The following LEMD1 variants were observed in gnomAD, a reference collection of about 807,000 sequenced individuals.
LEMD1 encodes the protein LEM domain containing 1, also known as LEM domain-containing protein 1.
Under a neutral mutation model 17.4 loss-of-function variants are expected in LEMD1, and 18 were observed. The observed-to-expected ratio is 1.04, with a 90% CI of 0.72 to 1.54. LEMD1 has a LOEUF of 1.54. LEMD1 is among the 40% of genes most tolerant of loss of function. The pLI, the probability that LEMD1 is intolerant of heterozygous loss-of-function variation, is 0.00. For missense variants in LEMD1, 195 were observed against 210.4 expected (o/e 0.93, Z 0.45); for synonymous variants, 88 against 77.8 (o/e 1.13, Z -0.69).
At chr1:205,383,639 C>CT (rs1170166649) in intron 5 of LEMD1, among the ~76,000 whole-genome samples, 2,434 of 118,388 alleles carry the variant, frequency 0.021, 62 homozygotes, top group African/African-American at 0.063. Context: ...TTTCTTTTTT[C>CT]TTTTTTTTTT....
At chr1:205,440,117 C>T (rs566049743) in intron 1 of LEMD1, among the ~76,000 whole-genome samples, 7 of 152,222 alleles carry the variant, frequency 4.6e-5, no homozygotes, top group East Asian at 1.9e-4. Context: ...AGGGAGGGCA[C>T]GGCTCAGTCC....
At chr1:205,447,681 C>G (rs941692776) in intron 1 of LEMD1, among the ~76,000 whole-genome samples, 4 of 152,058 alleles carry the variant, frequency 2.6e-5, no homozygotes, top group African/African-American at 9.6e-5. Context: ...CTTCACACAC[C>G]GCAGGAGGGG....
chr1:205,420,996 C>T (rs1180735124), intron 1 of LEMD1, among the ~76,000 whole-genome samples: 1 of 150,790 alleles, frequency 6.6e-6, no homozygotes, highest in Non-Finnish European at 1.5e-5. Context: ...TTTATCCCTG[C>T]CCTCCTTTTG....
Position 205,381,691 on chromosome 1 carries a change from G to A in LEMD1, c.513C>T (p.Tyr171=). Residue 171 remains tyrosine, a synonymous_variant, in exon 6 of 6, where the codon TAC becomes TAT. Coordinates refer to ENST00000367153, the MANE Select transcript of LEMD1 (RefSeq NM_001199050.2). ...LGIFIIVVFV[Y]LTVENKSLFG is the part of the protein sequence containing the mutation. ...ACAGCGACTTATTTTCCACAGTCAGGTAGACAAACACCACAATGATGAAAA... is the reference window on the plus strand; with the variant it reads ...ACAGCGACTTATTTTCCACAGTCAGATAGACAAACACCACAATGATGAAAA... 6.2e-7 allele frequency: 1 copy of A among 1,614,224 alleles called. No individual in the cohort carries two copies. Among genetic ancestry groups the A allele is most frequent in the Non-Finnish European group, 8.5e-7 (1 of 1,180,044 alleles).
At chr1:205,430,316 G>T (rs1226137713) in intron 1 of LEMD1, among the ~76,000 whole-genome samples, 2 of 152,178 alleles carry the variant, frequency 1.3e-5, no homozygotes, top group African/African-American at 4.8e-5. Flanking sequence ...AAGACGGCTG[G>T]GCGGAGGGGC....
At chr1:205,439,669 C>T (rs570029673) in intron 1 of LEMD1, among the ~76,000 whole-genome samples, 3 of 152,296 alleles carry the variant, frequency 2.0e-5, no homozygotes, top group African/African-American at 7.2e-5. Flanking sequence ...TATTCTGTCC[C>T]TGGGGAGCTA....
rs969797451 is a variant in LEMD1, at chr1:205,432,825, A to G, written c.-38-12251T>C. 1.8e-4 allele frequency among the ~76,000 whole-genome samples: 27 copies of G among 152,162 alleles called. 1 individual carries two copies. The highest frequency in any genetic ancestry group is 6.3e-4 in the African/African-American group (26 of 41,450). ...GGAGTTCAAGACCAGCCTGGGCAACATAGTAAGACCCTGCCTCTACAAAAA... is the reference window on the plus strand; with the variant it reads ...GGAGTTCAAGACCAGCCTGGGCAACGTAGTAAGACCCTGCCTCTACAAAAA... On this transcript the variant is annotated intron_variant, in intron 1 of 3. Transcript: ENST00000367154.
At chr1:205,421,918 T>C (rs778538446) in intron 1 of LEMD1, 72 bp downstream of exon 1, 3 of 152,154 alleles carry the variant, frequency 2.0e-5, no homozygotes, top group Non-Finnish European at 4.4e-5. Context: ...CACTAGACAA[T>C]TGCCTAGAGG....
chr1:205,425,779 A>AG (rs1666047711), upstream of LEMD1, among the ~76,000 whole-genome samples: 1 of 152,248 alleles, frequency 6.6e-6, no homozygotes, highest in Non-Finnish European at 1.5e-5. Context: ...TGTATAACAA[A>AG]GGGGAAAATG....
chr1:205,419,802 A>G (rs1192264578), intron 2 of LEMD1, among the ~76,000 whole-genome samples: 3 of 152,138 alleles, frequency 2.0e-5, no homozygotes, highest in Admixed American at 2.0e-4. Flanking sequence ...ACTCATAGCT[A>G]TTCAACTCTC....
chr1:205,420,592 T>C lies in LEMD1; in HGVS notation c.-38-18A>G, dbSNP rs925206305. The C allele has an allele frequency of 3.9e-6, 5 of 1,276,738 alleles. No individual in the cohort carries two copies. In the African/African-American group the frequency reaches 5.9e-5, roughly 15 times the overall value. 79.1% of individuals were successfully genotyped at this position (1,276,738 alleles called of 1,614,324 possible). On this transcript the variant is annotated intron_variant, in intron 1 of 5. Transcript: ENST00000367153. ...GTAGAATCCTTGAAATAACAAAACA[T>C]TAAATTCATTAAGACAGCCTTACCA...
intron 4 of LEMD1, among the ~76,000 whole-genome samples, chr1:205,414,202 T>C (rs1665585636): frequency 6.6e-6 from 1 of 152,090 alleles, no homozygotes; most frequent in African/African-American, 2.4e-5. Context: ...GTCAGTAACA[T>C]GATTAAATCT....
chr1:205,393,999 A>G (rs1471921595), intron 4 of LEMD1, among the ~76,000 whole-genome samples: 1 of 152,228 alleles, frequency 6.6e-6, no homozygotes, highest in Admixed American at 6.5e-5. Flanking sequence ...TGGTATATAC[A>G]TATAATGGAA....
At chr1:205,402,190 T>A (rs1243147307) in intron 4 of LEMD1, among the ~76,000 whole-genome samples, 7 of 152,182 alleles carry the variant, frequency 4.6e-5, no homozygotes, top group Admixed American at 1.3e-4. Flanking sequence ...ATGCAGGCTC[T>A]TTTTTGGTTC....
chr1:205,402,408 A>G (rs1274122491), intron 4 of LEMD1, among the ~76,000 whole-genome samples: 1 of 152,156 alleles, frequency 6.6e-6, no homozygotes, highest in Non-Finnish European at 1.5e-5. Context: ...CTCCTTGAAG[A>G]GGTCCTTCAC....
At position 205,389,602 on chromosome 1, in the gene LEMD1, A is replaced by G. The variant is rs558539075; in HGVS notation, c.271-5238T>C. On this transcript the variant is annotated intron_variant, in intron 4 of 5. Coordinates refer to ENST00000367153, the MANE Select transcript of LEMD1 (RefSeq NM_001199050.2). ...GCTGGACTTGGAGAAGTCAGAAGGC[A>G]GGGATGTCCCTGAAGCTTAGGGATG... Among the ~76,000 whole-genome samples the G allele has an allele frequency of 2.6e-4, 39 of 152,284 alleles. No individual in the cohort carries two copies. The South Asian group carries it at 7.7e-3, about 30-fold the overall frequency.
chr1:205,444,955 G>A (rs1394351423), intron 1 of LEMD1, among the ~76,000 whole-genome samples: 2 of 150,260 alleles, frequency 1.3e-5, no homozygotes, highest in East Asian at 2.0e-4. Context: ...TGCCCTCGAC[G>A]CCTCTAGAAC....
upstream of LEMD1, among the ~76,000 whole-genome samples, chr1:205,422,253 C>G (rs558515677): frequency 1.3e-5 from 2 of 152,098 alleles, no homozygotes; most frequent in Non-Finnish European, 2.9e-5. Flanking sequence ...TCAAGAGATG[C>G]GGAGAAGTTA....
chr1:205,420,786 C>G (rs1665927869), intron 1 of LEMD1, among the ~76,000 whole-genome samples: 1 of 152,154 alleles, frequency 6.6e-6, no homozygotes, highest in Non-Finnish European at 1.5e-5. Context: ...TCATTTTCCC[C>G]AGTGTCTTTA....
Sources: gnomAD v4.1 joint callset for allele counts (sites outside exome capture counted in the v4.1 genomes callset) on GRCh38, gnomAD v4.1.1 for gene constraint, MANE v1.5 for transcripts, NCBI Gene and HGNC (gene_info 2026-07-23, HGNC 2026-07-21) for gene names.